CDC23: variants seen among roughly 807,000 people sequenced by gnomAD.
CDC23 encodes the protein cell division cycle 23, also known as cell division cycle protein 23 homolog.
Under a neutral mutation model 81.7 loss-of-function variants are expected in CDC23, and 26 were observed. The ratio of observed to expected loss-of-function variants is 0.32; its 90% confidence interval spans 0.23 to 0.44. CDC23 has a LOEUF of 0.44. Among genes scored for constraint, CDC23 ranks in the 20% least tolerant of loss-of-function variants. The probability of loss-of-function intolerance (pLI) is 1.00; values close to 1 mark genes in which losing one functional copy is unlikely to be tolerated. For synonymous variants in CDC23, 267 were observed against 270.8 expected, an observed-to-expected ratio of 0.99 and a Z score of 0.14; for missense variants, 519 against 728.0, an observed-to-expected ratio of 0.71 and a Z score of 3.30.
chr5:138,195,587 TATA>T (rs543091359), intron 9 of CDC23, among the ~76,000 whole-genome samples: 11,346 of 80,212 alleles, frequency 0.14, 709 homozygotes, highest in Non-Finnish European at 0.19. Flanking sequence ...ATATATTATA[TATA>T]ATATATATTA....
intron 2 of CDC23, among the ~76,000 whole-genome samples, chr5:138,207,686 A>G (rs1475629850): frequency 2.0e-5 from 3 of 152,156 alleles, no homozygotes; most frequent in African/African-American, 7.2e-5. Context: ...TCCTTGGCTG[A>G]GCGCAGTGGC....
Position 138,213,009 on chromosome 5 carries a change from C to A in CDC23, c.216G>T (p.Pro72=), listed in dbSNP as rs1035156584. ...TCCTTACCTCTGTAATAGGCGGAGG[C>A]GGTTGCAGCTCGGCCAGAGGCAATG... is the stretch of plus-strand genomic sequence containing the variant. The part of the protein sequence containing the change: ...LPALPLAELQ[P]PPPITEEDAQ... Residue 72 remains proline (P), a synonymous_variant, in exon 2 of 16, where the codon CCG becomes CCT. Coordinates refer to ENST00000394886, the MANE Select transcript of CDC23 (RefSeq NM_004661.4). The A allele has an allele frequency of 3.7e-6, 6 of 1,613,786 alleles. No individual in the cohort carries two copies. The highest frequency in any genetic ancestry group is 5.1e-6 in the Non-Finnish European group (6 of 1,179,830).
chr5:138,198,482 G>C lies in CDC23; in HGVS notation c.874C>G (p.Gln292Glu). ...ATATTTTCAATCCTGTAAGGGTCTT[G>C]TTTCCTTAGCTCATTAAAAATGGAG... ...ALSIFNELRK[Q>E]DPYRIENMDT... is the part of the protein sequence containing the mutation. Residue 292 changes from glutamine to glutamate, a missense_variant, in exon 8 of 16, where the codon CAA (glutamine) becomes GAA (glutamate). Around this residue, in one of 4 missense-constraint regions of CDC23, gnomAD observed 180 missense variants for 239.3 expected, o/e 0.75. Coordinates refer to ENST00000394886, the MANE Select transcript of CDC23 (RefSeq NM_004661.4). 1.9e-6 allele frequency: 3 copies of C among 1,614,128 alleles called. No homozygotes were observed. Among genetic ancestry groups the C allele is most frequent in the Non-Finnish European group, 2.5e-6 (3 of 1,180,010 alleles).
chr5:138,211,107 G>A (rs1292896782), intron 2 of CDC23, among the ~76,000 whole-genome samples: 1 of 152,104 alleles, frequency 6.6e-6, no homozygotes, highest in Non-Finnish European at 1.5e-5. Context: ...GCAAAGACAT[G>A]GAATCAATCT....
At chr5:138,201,979 C>T (rs1754994660) in intron 4 of CDC23, 134 bp downstream of exon 4, 1 of 648,988 alleles carries the variant, frequency 1.5e-6, no homozygotes, top group African/African-American at 1.9e-5. Flanking sequence ...TACAAGGTAG[C>T]TGAGATAAGC....
chr5:138,193,313 A>G (rs1027526394), intron 9 of CDC23, among the ~76,000 whole-genome samples: 1 of 152,182 alleles, frequency 6.6e-6, no homozygotes, highest in Admixed American at 6.5e-5. Context: ...AGAGGTACCC[A>G]GGCTGGGCAT....
intron 6 of CDC23, 50 bp from the exon 7 acceptor site, chr5:138,198,832 TCAAA>T (rs1392998467): frequency 6.5e-6 from 10 of 1,546,700 alleles, no homozygotes; most frequent in Middle Eastern, 3.5e-4. Flanking sequence ...GACCTCTCTC[TCAAA>T]CAAACATCCA....
chr5:138,206,436 ACATT>A (rs745552562), intron 3 of CDC23, 107 bp downstream of exon 3: 7 of 1,011,596 alleles, frequency 6.9e-6, no homozygotes, highest in Non-Finnish European at 1.1e-5. Flanking sequence ...TGTATAAAGT[ACATT>A]CATTCAGTGG....
chr5:138,189,170 G>C (rs1203551921), intron 15 of CDC23, 22 bp from the exon 16 acceptor site: 1 of 1,608,078 alleles, frequency 6.2e-7, no homozygotes, highest in Non-Finnish European at 8.5e-7. Context: ...TCAGGGAAAT[G>C]TTTCAAAACA....
In CDC23 at chr5:138,198,373, C is replaced by CAGG. The variant is rs546810317; in HGVS notation, c.930+52_930+53insCCT. 7.5e-4 allele frequency: 1,186 copies of CAGG among 1,590,362 alleles called. 9 individuals carry two copies. In the African/African-American group the frequency reaches 0.012, roughly 17 times the overall value. ...AATACAAGTGGGTGACAATCCAACC[C>CAGG]AGATTAGTGCACAAAAGAGCTTAAT... is the stretch of plus-strand genomic sequence containing the variant. On this transcript the variant is annotated intron_variant, in intron 8 of 15. Transcript: ENST00000394886.
chr5:138,195,146 T>G (rs1754870625), intron 9 of CDC23, among the ~76,000 whole-genome samples: 1 of 152,000 alleles, frequency 6.6e-6, no homozygotes, highest in African/African-American at 2.4e-5. Flanking sequence ...ATGCAGAGTA[T>G]GTATATAATA....
At chr5:138,206,426 T>C (rs1208593241) in intron 3 of CDC23, 121 bp downstream of exon 3, 4 of 915,194 alleles carry the variant, frequency 4.4e-6, no homozygotes, top group South Asian at 1.4e-5. Context: ...ATTATTGCTA[T>C]GTATAAAGTA....
At chr5:138,190,060 T>C in intron 13 of CDC23, 154 bp from the exon 14 acceptor site, 1 of 626,150 alleles carries the variant, frequency 1.6e-6, no homozygotes. Flanking sequence ...GTATTAGATG[T>C]GATAGTTACT....
intron 9 of CDC23, among the ~76,000 whole-genome samples, chr5:138,194,808 G>A (rs1403051284): frequency 1.4e-5 from 2 of 139,520 alleles, no homozygotes; most frequent in Non-Finnish European, 3.0e-5. Context: ...TGCACCCTCC[G>A]CCTCCCGGAT....
In CDC23 at chr5:138,213,323, C is replaced by T. The variant is rs767731996; in HGVS notation, c.-11G>A. The T allele has an allele frequency of 1.2e-6, 2 of 1,612,404 alleles. No homozygotes were observed. The highest frequency in any genetic ancestry group is 1.7e-6 in the Non-Finnish European group (2 of 1,179,048). On this transcript the variant is annotated 5_prime_UTR_variant, in exon 1 of 16. Transcript: ENST00000394886. The stretch of plus-strand genomic sequence containing the variant: ...GGTACTCGCAGCCATTTTCCCGACT[C>T]GGGCCACTCCAGCCAATCATCGGCG...
In CDC23 at chr5:138,192,408, GGTT is replaced by G. The variant is rs764177020; in HGVS notation, c.1167-23_1167-21del. On this transcript the variant is annotated intron_variant, in intron 10 of 15. Coordinates refer to ENST00000394886, the MANE Select transcript of CDC23 (RefSeq NM_004661.4). ...GCATGTCTAAGAAATGGAAAAGACA[GGTT>G]GTTAAGAAGGCAGAATCAAGGTTGG... 8.1e-6 allele frequency: 13 copies of G among 1,614,040 alleles called. No individual in the cohort carries two copies. The highest frequency in any genetic ancestry group is 1.3e-5 in the African/African-American group (1 of 74,910).
chr5:138,199,174 G>A (rs571045084), intron 6 of CDC23, among the ~76,000 whole-genome samples: 88 of 152,296 alleles, frequency 5.8e-4, no homozygotes, highest in African/African-American at 2.0e-3. Flanking sequence ...TATGTACTGG[G>A]AAGTAGCAGA....
At chr5:138,192,720 T>C (rs1754840239) in intron 9 of CDC23, 63 bp from the exon 10 acceptor site, 1 of 1,467,634 alleles carries the variant, frequency 6.8e-7, no homozygotes, top group Non-Finnish European at 9.3e-7. Context: ...TCCATTAAAA[T>C]AGATAGCATT....
intron 9 of CDC23, 136 bp downstream of exon 9, chr5:138,198,063 G>A (rs1378967230): frequency 4.6e-6 from 3 of 645,828 alleles, no homozygotes; most frequent in African/African-American, 1.8e-5. Flanking sequence ...GCTCTCAAGC[G>A]ATCCTCCCGC....
Sources: allele counts gnomAD v4.1 joint callset (sites outside exome capture counted in the v4.1 genomes callset), GRCh38; gene constraint gnomAD v4.1.1; regional missense constraint gnomAD v4.1.1; transcripts MANE v1.5; gene names NCBI Gene and HGNC (gene_info 2026-07-23, HGNC 2026-07-21).